The following MADD variants were observed in gnomAD, a reference collection of about 807,000 sequenced individuals.
The protein encoded by MADD is MAP kinase-activating death domain protein.
MADD carries 109 observed loss-of-function variants against 176.7 expected under a neutral mutation model. The ratio of observed to expected loss-of-function variants is 0.62; its 90% CI spans 0.53 to 0.72. The LOEUF (loss-of-function observed/expected upper bound fraction) is 0.72. Ranked by LOEUF, MADD falls within the 30% of genes least tolerant of loss-of-function variation. MADD has a pLI of 0.00. For synonymous variants in MADD, 771 were observed against 771.3 expected, an observed-to-expected ratio of 1.00 and a Z score of 0.01; for missense variants, 1,914 against 2,045.5, an observed-to-expected ratio of 0.94 and a Z score of 1.24.
chr11:47,275,003 G>C (rs569094333), exon 3 of MADD: 2 of 1,614,096 alleles, frequency 1.2e-6, no homozygotes, highest in African/African-American at 1.3e-5. Flanking sequence ...GCGGGGAGCC[G>C]CTCCCGCAAC....
At chr11:47,303,589 A>G (rs1235118212) in intron 22 of MADD, among the ~76,000 whole-genome samples, 1 of 142,794 alleles carries the variant, frequency 7.0e-6, no homozygotes, top group Non-Finnish European at 1.5e-5. Context: ...ATTTGACTGT[A>G]ATGTACCTTG....
Position 47,276,877 on chromosome 11 carries a change from C to T in MADD, c.1095+14C>T, listed in dbSNP as rs1284097798. ...TCAGCAGAGCAGGTGAGTCTCAAGG[C>T]GACTTCCGGCTTTCTCACCTCTGTC... On this transcript the variant is annotated intron_variant, in intron 5 of 32. Coordinates refer to ENST00000402192, the Ensembl canonical transcript of MADD. 6.8e-6 allele frequency: 11 copies of T among 1,613,086 alleles called. No individual in the cohort carries two copies. Among genetic ancestry groups the T allele is most frequent in the Non-Finnish European group, 8.5e-6 (10 of 1,179,676 alleles).
exon 33 of MADD, chr11:47,329,998 T>C (rs2095835469): frequency 6.6e-6 from 1 of 152,660 alleles, no homozygotes; most frequent in African/African-American, 2.4e-5. Flanking sequence ...AAATGTACAG[T>C]TGTGTGAATG....
Position 47,285,450 on chromosome 11 carries a change from G to C in MADD, c.2412-1G>C. 6.2e-7 allele frequency: 1 copy of C among 1,614,078 alleles called. No individual in the cohort carries two copies. The highest frequency in any genetic ancestry group is 8.5e-7 in the Non-Finnish European group (1 of 1,180,010). On this transcript the variant is annotated splice_acceptor_variant, in intron 13 of 32. Coordinates refer to ENST00000402192, the Ensembl canonical transcript of MADD. LOFTEE classifies it high-confidence loss of function. ...ATCATAGGTGCCTCTGTGCATTCAA[G>C]GGCTCAAAAGCTGCTGCGGCCCAAC...
chr11:47,315,602 G>A (rs2092581880), intron 27 of MADD, among the ~76,000 whole-genome samples: 1 of 151,638 alleles, frequency 6.6e-6, no homozygotes, highest in South Asian at 2.1e-4. Context: ...AGCCTCCCAA[G>A]TAGCTGGGAT....
At chr11:47,303,723 A>T (rs1185422075) in intron 22 of MADD, among the ~76,000 whole-genome samples, 4 of 150,284 alleles carry the variant, frequency 2.7e-5, no homozygotes, top group South Asian at 2.1e-4. Context: ...CTCCTGCCTC[A>T]GCTTCCTGAG....
chr11:47,307,092 T>TTC (rs1403287109), intron 22 of MADD, among the ~76,000 whole-genome samples: 2 of 151,542 alleles, frequency 1.3e-5, no homozygotes, highest in Admixed American at 6.6e-5. Flanking sequence ...TTTTTTTTTT[T>TTC]TGGTAGAAAC....
intron 20 of MADD, among the ~76,000 whole-genome samples, chr11:47,294,348 C>CA (rs796517395): frequency 1.4e-5 from 2 of 143,972 alleles, no homozygotes; most frequent in African/African-American, 2.6e-5. Context: ...AACTCCATCT[C>CA]AAAAAAAAAA....
exon 3 of MADD, chr11:47,274,733 T>G: frequency 6.2e-7 from 1 of 1,614,200 alleles, no homozygotes; most frequent in Non-Finnish European, 8.5e-7. Flanking sequence ...ACCTCTTTTG[T>G]CTTCACCCTC....
exon 19 of MADD, chr11:47,290,686 G>A: frequency 6.2e-7 from 1 of 1,614,108 alleles, no homozygotes; most frequent in South Asian, 1.1e-5. Context: ...TAGCTGGGCG[G>A]GGGGACCCAA....
intron 32 of MADD, 127 bp from the exon 37 acceptor site, chr11:47,328,919 T>G: frequency 3.0e-6 from 3 of 1,000,398 alleles, no homozygotes; most frequent in Non-Finnish European, 4.7e-6. Context: ...CTTCCTTGCT[T>G]GGAGCTCACG....
chr11:47,275,140 A>G lies in MADD; in HGVS notation c.640A>G (p.Ile214Val), dbSNP rs769284685. Residue 214 changes from isoleucine to valine, a missense_variant, in exon 3 of 33, where the codon ATC (isoleucine) becomes GTC (valine). Ile to Val is a conservative substitution (Grantham distance 29). Transcript: ENST00000402192. ...GCGCCTTCTGGGCAAGAAACTGGGCATCCCTCGAGGCGTACAAAGGTACAG... is the reference window on the plus strand; with the variant it reads ...GCGCCTTCTGGGCAAGAAACTGGGCGTCCCTCGAGGCGTACAAAGGTACAG... 5 of 1,613,580 alleles carry G rather than the reference A, an allele frequency of 3.1e-6. No individual in the cohort carries two copies. In the East Asian group the frequency reaches 8.9e-5, roughly 29 times the overall value.
intron 3 of MADD, among the ~76,000 whole-genome samples, chr11:47,275,417 G>A (rs2048780725): frequency 1.3e-5 from 2 of 152,110 alleles, no homozygotes; most frequent in African/African-American, 4.8e-5. Flanking sequence ...TCAGCCTCCC[G>A]AGTAGCTGGG....
At chr11:47,296,135 A>G (rs1047540762) in intron 22 of MADD, 80 bp downstream of exon 24, 5 of 1,482,236 alleles carry the variant, frequency 3.4e-6, no homozygotes, top group Non-Finnish European at 4.6e-6. Flanking sequence ...GAAAGTTAAG[A>G]GACGCTAAAG....
chr11:47,291,132 G>A (rs2064867614), intron 19 of MADD, among the ~76,000 whole-genome samples: 2 of 152,084 alleles, frequency 1.3e-5, no homozygotes, highest in Non-Finnish European at 2.9e-5. Flanking sequence ...TCTTCACATA[G>A]TGGAGAGAAT....
exon 3 of MADD, chr11:47,275,068 C>A (rs768316614): frequency 6.2e-7 from 1 of 1,614,262 alleles, no homozygotes; most frequent in Non-Finnish European, 8.5e-7. Context: ...CTCCACCTTC[C>A]GAGAGTGTTT....
At chr11:47,295,769 C>T in intron 21 of MADD, 128 bp from the exon 24 acceptor site, 1 of 1,521,682 alleles carries the variant, frequency 6.6e-7, no homozygotes, top group Non-Finnish European at 8.8e-7. Flanking sequence ...AAAGAAGGTA[C>T]TTCCAGAGGC....
In MADD at chr11:47,293,927, G is replaced by T; in HGVS notation, c.3346G>T (p.Glu1116Ter). 6.2e-7 allele frequency: 1 copy of T among 1,614,182 alleles called. No individual in the cohort carries two copies. Among genetic ancestry groups the T allele is most frequent in the Non-Finnish European group, 8.5e-7 (1 of 1,180,026 alleles). Residue 1116 changes from glutamate to a stop codon, truncating the protein, a stop_gained, in exon 20 of 33, where the codon GAG becomes TAG. Coordinates refer to ENST00000402192, the Ensembl canonical transcript of MADD. LOFTEE classifies it high-confidence loss of function. The stretch of plus-strand genomic sequence containing the variant: ...TGTCTTTGACCTTGGTGAGACAGAG[G>T]AGAAAAAGTCCCAGATCAGCGCAGA...
At chr11:47,290,713 G>C (rs770158485) in exon 19 of MADD, 22 of 1,614,164 alleles carry the variant, frequency 1.4e-5, no homozygotes, top group Non-Finnish European at 1.7e-5. Flanking sequence ...TGGCACAACT[G>C]AGAGTTCCAC....
Sources: gnomAD v4.1 joint callset for allele counts (sites outside exome capture counted in the v4.1 genomes callset) on GRCh38, gnomAD v4.1.1 for gene constraint, MANE v1.5 for transcripts, NCBI Gene and HGNC (gene_info 2026-07-23, HGNC 2026-07-21) for gene names.